Variants in PLEKHA6 observed in about 807,000 individuals in gnomAD.
PLEKHA6 encodes the protein pleckstrin homology domain containing A6, also known as pleckstrin homology domain-containing family A member 6.
A neutral mutation model predicts 116.7 loss-of-function variants in PLEKHA6; 60 were observed. The observed-to-expected ratio is 0.51, with a 90% CI of 0.42 to 0.64. PLEKHA6 has a LOEUF of 0.64. Ranked by LOEUF, PLEKHA6 falls within the 30% of genes least tolerant of loss-of-function variation. The pLI is 0.00. For missense variants in PLEKHA6, 1,338 were observed against 1,422.7 expected (o/e 0.94, Z 0.96); for synonymous variants, 489 against 556.1 (o/e 0.88, Z 1.70).
At chr1:204,267,961 T>G (rs1203858030) in intron 4 of PLEKHA6, among the ~76,000 whole-genome samples, 1 of 145,340 alleles carries the variant, frequency 6.9e-6, no homozygotes, top group Non-Finnish European at 1.5e-5. Flanking sequence ...ATTCAGCATG[T>G]TTCAAGGTCA....
intron 1 of PLEKHA6, among the ~76,000 whole-genome samples, chr1:204,351,955 T>G (rs562542208): frequency 1.9e-4 from 29 of 152,224 alleles, no homozygotes; most frequent in Non-Finnish European, 3.4e-4. Context: ...ATGTCTGTAA[T>G]CCCAACTACT....
rs1032590119 is a variant in PLEKHA6 at position 204,222,021 on chromosome 1, TC to T, written c.*766del. 0.1 allele frequency: 368 copies of T among 3,640 alleles called. 1 individual carries two copies. Among genetic ancestry groups the T allele is most frequent in the Non-Finnish European group, 0.18 (293 of 1,608 alleles). 0.2% of individuals were successfully genotyped at this position (3,640 alleles called of 1,614,324 possible). A position where few individuals can be genotyped will look rare whatever the true frequency, so the allele number is the denominator to read the frequency against. On this transcript the variant is annotated 3_prime_UTR_variant, in exon 23 of 23. Transcript: ENST00000272203. ...CTTCCCCCTCCTTCCACTCTGAGGATCTCTCTCTCTCTCTCTCTCTCTCTCT... is the reference window on the plus strand; with the variant it reads ...CTTCCCCCTCCTTCCACTCTGAGGATTCTCTCTCTCTCTCTCTCTCTCTCT...
chr1:204,246,035 ATCTAAGTGAACACTT>A (rs918253106), intron 13 of PLEKHA6, among the ~76,000 whole-genome samples: 2 of 152,190 alleles, frequency 1.3e-5, no homozygotes, highest in East Asian at 1.9e-4. Flanking sequence ...GTGAATGCCC[ATCTAAGTGAACACTT>A]TATGGTATCC....
chr1:204,299,195 C>A (rs1039379382), intron 1 of PLEKHA6, among the ~76,000 whole-genome samples: 4 of 152,090 alleles, frequency 2.6e-5, no homozygotes, highest in African/African-American at 9.7e-5. Context: ...TCCAGAGGAC[C>A]CAAAGTCTCC....
At chr1:204,353,405 T>G (rs575022499) in intron 1 of PLEKHA6, among the ~76,000 whole-genome samples, 32 of 152,078 alleles carry the variant, frequency 2.1e-4, no homozygotes, top group Non-Finnish European at 3.8e-4. Context: ...CCAACCAACA[T>G]TTGTTGAGCA....
chr1:204,374,039 G>A (rs996339192), intron 1 of PLEKHA6, among the ~76,000 whole-genome samples: 5 of 152,012 alleles, frequency 3.3e-5, no homozygotes, highest in East Asian at 1.9e-4. Flanking sequence ...CACACTGTCC[G>A]CCCCCTCAGA....
intron 2 of PLEKHA6, among the ~76,000 whole-genome samples, chr1:204,371,029 G>A (rs909338224): frequency 1.4e-5 from 2 of 142,644 alleles, no homozygotes; most frequent in Admixed American, 7.1e-5. Flanking sequence ...ACTCCAGCCT[G>A]TGCGACAGAG....
chr1:204,357,868 G>A (rs550942785), intron 1 of PLEKHA6, among the ~76,000 whole-genome samples: 10 of 152,230 alleles, frequency 6.6e-5, no homozygotes, highest in Non-Finnish European at 1.3e-4. Flanking sequence ...CGAGGTGGGG[G>A]CTCTGATGTC....
chr1:204,288,267 C>T (rs997655435), intron 1 of PLEKHA6, among the ~76,000 whole-genome samples: 3 of 152,228 alleles, frequency 2.0e-5, no homozygotes, highest in Non-Finnish European at 4.4e-5. Flanking sequence ...TGCTGGGTTG[C>T]CTCAGCCAGC....
At chr1:204,345,074 G>A (rs921507488) in intron 1 of PLEKHA6, among the ~76,000 whole-genome samples, 5 of 152,186 alleles carry the variant, frequency 3.3e-5, no homozygotes, top group African/African-American at 1.2e-4. Context: ...CGGCGAGAAA[G>A]ACATATGTGG....
At chr1:204,361,966 C>T (rs1673569544), upstream of PLEKHA6, among the ~76,000 whole-genome samples, 1 of 152,202 alleles carries the variant, frequency 6.6e-6, no homozygotes, top group African/African-American at 2.4e-5. Flanking sequence ...GCCTGCTGGG[C>T]GGGTTTCCTC....
rs140746480 is a variant in PLEKHA6 at position 204,259,275 on chromosome 1, C to T, written c.990G>A (p.Pro330=). The T allele has an allele frequency of 1.2e-4, 186 of 1,613,748 alleles. No individual in the cohort carries two copies. The African/African-American group carries it at 1.2e-3, about 10-fold the overall frequency. The change falls in exon 8 of 23, where the codon CCG becomes CCA. Residue 330 remains proline, a synonymous_variant. Transcript: ENST00000272203. This position sits in a 1 kb window ranked among gnomAD's most constrained non-coding sequence, Gnocchi z 4.6. ...QWVNLRRGVP[P]PEDLRSPSRF... is the part of the protein sequence containing the mutation. ...TGCCTCACCTCCGAAGGTCTTCAGG[C>T]GGGGGTACCCCCCGGCGCAGATTCA...
At chr1:204,376,704 A>G (rs1433466248) in intron 1 of PLEKHA6, among the ~76,000 whole-genome samples, 1 of 152,104 alleles carries the variant, frequency 6.6e-6, no homozygotes, top group Non-Finnish European at 1.5e-5. Context: ...ATATCTCTGG[A>G]CCTCAGTTCC....
intron 1 of PLEKHA6, chr1:204,346,871 G>A (rs1673075513): frequency 1.5e-5 from 20 of 1,342,280 alleles, no homozygotes; most frequent in East Asian, 6.9e-5. Flanking sequence ...GCAGGCTGGC[G>A]CTTTAGTTGA....
chr1:204,310,517 TACTACTGTCTTTACC>T (rs1671618455), intron 1 of PLEKHA6, among the ~76,000 whole-genome samples: 1 of 152,224 alleles, frequency 6.6e-6, no homozygotes, highest in Non-Finnish European at 1.5e-5. Context: ...CCCGCATTCC[TACTACTGTCTTTACC>T]ACTCAACTGT....
intron 15 of PLEKHA6, among the ~76,000 whole-genome samples, chr1:204,242,698 A>C (rs979294568): frequency 2.6e-5 from 4 of 152,224 alleles, no homozygotes; most frequent in African/African-American, 9.6e-5. Context: ...AGGATACAAC[A>C]CAAAGTGGAG....
chr1:204,263,938 C>G (rs960045447), intron 6 of PLEKHA6, among the ~76,000 whole-genome samples: 4 of 152,130 alleles, frequency 2.6e-5, no homozygotes, highest in Non-Finnish European at 4.4e-5. Context: ...TCCTTGCTCC[C>G]TGTAGCGGGC....
At chr1:204,300,590 C>T (rs991779885) in intron 1 of PLEKHA6, among the ~76,000 whole-genome samples, 2 of 152,210 alleles carry the variant, frequency 1.3e-5, no homozygotes, top group Non-Finnish European at 2.9e-5. Flanking sequence ...TAAATGATCC[C>T]TATCAGATGT....
Position 204,245,658 on chromosome 1 carries a change from C to T in PLEKHA6, c.1989G>A (p.Arg663=), listed in dbSNP as rs747314243. Residue 663 remains arginine (R), a synonymous_variant, in exon 14 of 23, where the codon AGG becomes AGA. Transcript: ENST00000272203. ...CCGTGCCCCGGGAGGGGTTGTTCTTCCTCAGCCCCTCCATCACGTCCTGGA... is the reference window on the plus strand; with the variant it reads ...CCGTGCCCCGGGAGGGGTTGTTCTTTCTCAGCCCCTCCATCACGTCCTGGA... ...WRIQDVMEGL[R]KNNPSRGTDT... is the part of the protein sequence containing the mutation. 1.6e-5 allele frequency: 26 copies of T among 1,613,646 alleles called. No homozygotes were observed. In the South Asian group the frequency reaches 2.5e-4, roughly 16 times the overall value.
Sources: gnomAD v4.1 joint callset for allele counts (sites outside exome capture counted in the v4.1 genomes callset) on GRCh38, gnomAD v4.1.1 for gene constraint, Gnocchi (gnomAD v3.1) non-coding constraint, MANE v1.5 for transcripts, NCBI Gene and HGNC (gene_info 2026-07-23, HGNC 2026-07-21) for gene names.